Variants in CEP350 observed in about 807,000 individuals in gnomAD.
CEP350 encodes the protein centrosomal protein 350, also known as centrosome-associated protein 350.
A neutral mutation model predicts 331.8 loss-of-function variants in CEP350; 126 were observed. The observed-to-expected ratio is 0.38, with a 90% CI of 0.33 to 0.44. The LOEUF is 0.44. CEP350 is among the 20% of genes least tolerant of loss of function. CEP350 has a pLI of 1.00. For missense variants in CEP350, 3,406 were observed against 3,634.6 expected (o/e 0.94, Z 1.62); for synonymous variants, 1,200 against 1,259.5 (o/e 0.95, Z 1.00).
chr1:180,041,764 G>T lies in CEP350; in HGVS notation c.4324G>T (p.Ala1442Ser). The T allele has an allele frequency of 2.5e-6, 4 of 1,613,068 alleles. No individual in the cohort carries two copies. Among genetic ancestry groups the T allele is most frequent in the Non-Finnish European group, 3.4e-6 (4 of 1,179,500 alleles). Residue 1442 changes from alanine to serine, a missense_variant, in exon 19 of 38, where the codon GCT becomes TCT. By Grantham distance (99) the Ala-to-Ser change is moderately conservative. Around this residue, in one of 5 missense-constraint regions of CEP350, gnomAD observed 1,857 missense variants for 1,909.2 expected, o/e 0.97. Coordinates refer to ENST00000367607, the MANE Select transcript of CEP350 (RefSeq NM_014810.5). ...AATAGCAGCTCAGCAGTCAGAAACT[G>T]CTCGCCTCACCACAGACGCAGCACG... ...CKIAAQQSET[A>S]RLTTDAARQI...
Position 180,041,266 on chromosome 1 carries a change from A to C in CEP350, c.4221+18A>C. Reference sequence around the variant, plus strand: ...CAGCTCAGGTAACTTATTTTGCAGCAGGTTCTTGTTTTTTAAACCTAAATT... The same window carrying C: ...CAGCTCAGGTAACTTATTTTGCAGCCGGTTCTTGTTTTTTAAACCTAAATT... On this transcript the variant is annotated intron_variant, in intron 18 of 37. Transcript: ENST00000367607. 1 of 1,531,532 alleles carries C rather than the reference A, an allele frequency of 6.5e-7. No homozygotes were observed. 94.9% of individuals were successfully genotyped at this position (1,531,532 alleles called of 1,614,324 possible).
In CEP350 at chr1:180,087,614, C is replaced by T. The variant is rs759215692; in HGVS notation, c.6322C>T (p.Leu2108Phe). 2 of 1,547,918 alleles carry T rather than the reference C, an allele frequency of 1.3e-6. No individual in the cohort carries two copies. Among genetic ancestry groups the T allele is most frequent in the Non-Finnish European group, 1.7e-6 (2 of 1,144,254 alleles). ...ATTTATTAAGAAAACTGAAGCCGAG[C>T]TTAGCCAAGATTTGGAAACATCACC... ...DEFIKKTEAE[L>F]SQDLETSPTA... Residue 2108 changes from leucine (L) to phenylalanine (F), a missense_variant, in exon 32 of 38, where the codon CTT becomes TTT. Coordinates refer to ENST00000367607, the MANE Select transcript of CEP350 (RefSeq NM_014810.5).
At position 180,095,769 on chromosome 1, in the gene CEP350, G is replaced by A. The variant is rs1660448929; in HGVS notation, c.8758G>A (p.Ala2920Thr). 1 of 1,613,978 alleles carries A rather than the reference G, an allele frequency of 6.2e-7. No individual in the cohort carries two copies. Among genetic ancestry groups the A allele is most frequent in the East Asian group, 2.2e-5 (1 of 44,886 alleles). ...AACATTATTGGCAGTCCCCCATACT[G>A]CAGAAGAAGTAGAGATTCTTGTACA... is the stretch of plus-strand genomic sequence containing the variant. Reference protein sequence around the residue: ...CETLLAVPHTAEEVEILVHNA... With the variant: ...CETLLAVPHTTEEVEILVHNA... Residue 2920 changes from alanine to threonine, a missense_variant, in exon 35 of 38, where the codon GCA becomes ACA. Ala to Thr is a moderately conservative substitution (Grantham distance 58). This residue lies in a region of CEP350 where 1,415 missense variants were observed against 1,512.3 expected (regional missense o/e 0.94). Transcript: ENST00000367607.
chr1:179,970,342 G>C (rs1183349343), intron 1 of CEP350, among the ~76,000 whole-genome samples: 1 of 152,200 alleles, frequency 6.6e-6, no homozygotes, highest in African/African-American at 2.4e-5. Context: ...TAAATTCTCA[G>C]ATTAGTGGTA....
chr1:180,022,902 A>G, intron 13 of CEP350, 54 bp downstream of exon 13: 3 of 1,494,914 alleles, frequency 2.0e-6, no homozygotes, highest in Non-Finnish European at 2.7e-6. Context: ...AAAATGTACA[A>G]ATGAGAACTC....
chr1:180,017,577 A>G (rs1655051884), intron 11 of CEP350, among the ~76,000 whole-genome samples: 2 of 152,220 alleles, frequency 1.3e-5, no homozygotes, highest in African/African-American at 4.8e-5. Flanking sequence ...GTGTTAGACC[A>G]TACTACCTTG....
chr1:179,985,267 A>G (rs1052433303), intron 1 of CEP350, among the ~76,000 whole-genome samples: 5 of 152,130 alleles, frequency 3.3e-5, no homozygotes, highest in East Asian at 1.9e-4. Context: ...TCTTTTTGTG[A>G]TTAGCTTATT....
chr1:180,092,397 G>C (rs1660251074), intron 33 of CEP350, among the ~76,000 whole-genome samples: 1 of 152,182 alleles, frequency 6.6e-6, no homozygotes, highest in African/African-American at 2.4e-5. Context: ...CAGTGCTTAA[G>C]AAATTATTCC....
intron 3 of CEP350, among the ~76,000 whole-genome samples, chr1:179,987,796 T>G (rs909915000): frequency 1.3e-5 from 2 of 151,762 alleles, no homozygotes; most frequent in Admixed American, 6.6e-5. Context: ...CCTGGTGGTG[T>G]GCACCTGTAG....
intron 5 of CEP350, among the ~76,000 whole-genome samples, chr1:179,994,285 A>G (rs1379263134): frequency 6.6e-6 from 1 of 151,826 alleles, no homozygotes; most frequent in African/African-American, 2.4e-5. Flanking sequence ...TTTATGTTTT[A>G]TTTTATTTTT....
Position 180,036,999 on chromosome 1 carries a change from G to A in CEP350, c.4020G>A (p.Glu1340=). The A allele has an allele frequency of 6.2e-7, 1 of 1,600,402 alleles. No homozygotes were observed. Among genetic ancestry groups the A allele is most frequent in the Non-Finnish European group, 8.5e-7 (1 of 1,173,284 alleles). Residue 1340 remains glutamate, a synonymous_variant, in exon 17 of 38, where the codon GAG becomes GAA. Transcript: ENST00000367607. ...AAELSYLNAI[E]ESVRQLSDVE... ...AACTCAGTTATCTGAACGCCATTGA[G>A]GAGTCGGTGCGCCAACTGTCAGATG...
intron 4 of CEP350, among the ~76,000 whole-genome samples, chr1:179,991,310 T>C (rs1423090114): frequency 7.1e-6 from 1 of 140,780 alleles, no homozygotes; most frequent in Non-Finnish European, 1.5e-5. Flanking sequence ...GGTTTCTTTC[T>C]TTTCTTTTTT....
chr1:180,112,722 T>A lies in CEP350; in HGVS notation c.*1561T>A, dbSNP rs970252233. The A allele has an allele frequency of 6.6e-6, 1 of 152,634 alleles. No individual in the cohort carries two copies. The highest frequency in any genetic ancestry group is 1.5e-5 in the Non-Finnish European group (1 of 68,028). 9.5% of individuals were successfully genotyped at this position (152,634 alleles called of 1,614,324 possible). On this transcript the variant is annotated 3_prime_UTR_variant, in exon 38 of 38. Transcript: ENST00000367607. ...GGAATGTTATAGCTTCAAAGTATAT[T>A]AGAAAAACCCCAAAGATGGTATAAT... is the stretch of plus-strand genomic sequence containing the variant.
intron 29 of CEP350, 43 bp downstream of exon 29, chr1:180,078,717 A>G (rs1190683664): frequency 6.6e-7 from 1 of 1,508,146 alleles, no homozygotes; most frequent in Non-Finnish European, 8.9e-7. Flanking sequence ...CTCTAGAAAA[A>G]AAACTGAAAG....
chr1:180,021,607 G>A (rs1424081261), intron 12 of CEP350, among the ~76,000 whole-genome samples: 1 of 151,952 alleles, frequency 6.6e-6, no homozygotes, highest in Non-Finnish European at 1.5e-5. Flanking sequence ...GCAGTGAGCT[G>A]AGATCATGCC....
At chr1:180,019,924 A>AACATATTGTG in intron 11 of CEP350, 25 bp from the exon 12 acceptor site, 1 of 1,545,780 alleles carries the variant, frequency 6.5e-7, no homozygotes, top group Non-Finnish European at 8.7e-7. Context: ...TTAGTTAACT[A>AACATATTGTG]ACATATTGTG....
intron 5 of CEP350, among the ~76,000 whole-genome samples, chr1:179,994,904 ATGT>A (rs984157400): frequency 1.3e-5 from 2 of 152,148 alleles, no homozygotes; most frequent in African/African-American, 4.8e-5. Context: ...TTACTATGTT[ATGT>A]TGTTGTGGCC....
At chr1:180,103,995 A>G (rs1006571512) in intron 37 of CEP350, among the ~76,000 whole-genome samples, 4 of 147,162 alleles carry the variant, frequency 2.7e-5, no homozygotes, top group Admixed American at 2.0e-4. Context: ...ATACAAATAT[A>G]TATTTTAAAA....
intron 11 of CEP350, among the ~76,000 whole-genome samples, chr1:180,017,136 G>A (rs905967759): frequency 2.6e-5 from 4 of 152,122 alleles, no homozygotes; most frequent in Admixed American, 2.6e-4. Flanking sequence ...CTGTTTTACA[G>A]AAGAGGTAAT....
Sources: gnomAD v4.1 joint callset for allele counts (sites outside exome capture counted in the v4.1 genomes callset) on GRCh38, gnomAD v4.1.1 for gene constraint, gnomAD v4.1.1 regional missense constraint, MANE v1.5 for transcripts, NCBI Gene and HGNC (gene_info 2026-07-23, HGNC 2026-07-21) for gene names.